ZNF521: variants seen among roughly 807,000 people sequenced by gnomAD.
The protein encoded by ZNF521 is zinc finger protein 521, also known as LYST-interacting protein 3.
In ZNF521, 14 loss-of-function variants were observed where a neutral mutation model predicts 105.5. The observed-to-expected ratio is 0.13, with a 90% CI of 0.09 to 0.21. The LOEUF is 0.21. ZNF521 is among the 10% of genes least tolerant of loss of function. The probability of loss-of-function intolerance (pLI) is 1.00; values close to 1 mark genes in which losing one functional copy is unlikely to be tolerated. For synonymous variants in ZNF521, 635 were observed against 606.0 expected, an observed-to-expected ratio of 1.05 and a Z score of -0.70; for missense variants, 1,233 against 1,629.7, an observed-to-expected ratio of 0.76 and a Z score of 4.19.
rs774732489 is a variant in ZNF521 at position 25,062,288 on chromosome 18, C to T, written c.*424G>A. The T allele has an allele frequency of 5.7e-5, 13 of 227,408 alleles. No individual in the cohort carries two copies. Among genetic ancestry groups the T allele is most frequent in the African/African-American group, 1.6e-4 (7 of 44,480 alleles). 14.1% of individuals were successfully genotyped at this position (227,408 alleles called of 1,614,324 possible). A position where few individuals can be genotyped will look rare whatever the true frequency, so the allele number is the denominator to read the frequency against. ...AATAAAAAATAGTCTTGGATTTAAGCGCTGATATACCTAAAGAGAAATTCT... is the reference window on the plus strand; with the variant it reads ...AATAAAAAATAGTCTTGGATTTAAGTGCTGATATACCTAAAGAGAAATTCT... On this transcript the variant is annotated 3_prime_UTR_variant, in exon 8 of 8. Coordinates refer to ENST00000361524, the MANE Select transcript of ZNF521 (RefSeq NM_015461.3).
intron 7 of ZNF521, among the ~76,000 whole-genome samples, chr18:25,087,981 T>G (rs1441880859): frequency 6.6e-6 from 1 of 152,110 alleles, no homozygotes; most frequent in Non-Finnish European, 1.5e-5. Flanking sequence ...CACATAAATC[T>G]CGTTTCATCA....
chr18:25,347,117 T>C (rs1216922032), intron 2 of ZNF521, among the ~76,000 whole-genome samples: 1 of 152,182 alleles, frequency 6.6e-6, no homozygotes, highest in African/African-American at 2.4e-5. Flanking sequence ...AATTGACCAA[T>C]TTGATGCAAC....
chr18:25,192,347 T>C (rs1249381038), intron 5 of ZNF521, among the ~76,000 whole-genome samples: 1 of 152,140 alleles, frequency 6.6e-6, no homozygotes, highest in African/African-American at 2.4e-5. Flanking sequence ...CATTGGTGAT[T>C]TCCCTTTCAC....
chr18:25,125,938 G>T (rs1156534902), intron 5 of ZNF521, among the ~76,000 whole-genome samples: 2 of 151,990 alleles, frequency 1.3e-5, no homozygotes, highest in African/African-American at 2.4e-5. Flanking sequence ...TCTAGTTGTA[G>T]CAAGCTTTTT....
intron 5 of ZNF521, among the ~76,000 whole-genome samples, chr18:25,171,296 T>C (rs1199485782): frequency 6.6e-6 from 1 of 152,114 alleles, no homozygotes; most frequent in Non-Finnish European, 1.5e-5. Flanking sequence ...TTCCCTTTTG[T>C]ATAAAAAGTA....
chr18:25,080,227 C>T (rs2033462751), intron 7 of ZNF521, among the ~76,000 whole-genome samples: 2 of 152,216 alleles, frequency 1.3e-5, no homozygotes, highest in Admixed American at 1.3e-4. Flanking sequence ...ATGAAGGAGA[C>T]CTGTTATTTT....
In ZNF521 at chr18:25,285,811, G is replaced by A. The variant is rs79087454; in HGVS notation, c.220+36197C>T. 4.7e-4 allele frequency among the ~76,000 whole-genome samples: 72 copies of A among 152,224 alleles called. 3 individuals are homozygous for A. The East Asian group carries it at 0.013, about 28-fold the overall frequency. On this transcript the variant is annotated intron_variant, in intron 3 of 7. Transcript: ENST00000361524. ...ACAAAAAGGTCAGAAAATAAATTAA[G>A]TGTACAGTGCAAGGCCCAGGCTTGA...
intron 7 of ZNF521, among the ~76,000 whole-genome samples, chr18:25,077,654 A>G (rs2033394496): frequency 6.6e-6 from 1 of 152,178 alleles, no homozygotes; most frequent in African/African-American, 2.4e-5. Context: ...GAGAGATGCT[A>G]AACAATGCCG....
intron 5 of ZNF521, among the ~76,000 whole-genome samples, chr18:25,182,247 G>A (rs1425440707): frequency 6.6e-6 from 1 of 152,088 alleles, no homozygotes; most frequent in Non-Finnish European, 1.5e-5. Flanking sequence ...AGCAAATTCT[G>A]GCAAAGTTCT....
chr18:25,315,092 G>A (rs1264795371), intron 3 of ZNF521, among the ~76,000 whole-genome samples: 1 of 152,154 alleles, frequency 6.6e-6, no homozygotes, highest in Non-Finnish European at 1.5e-5. Context: ...TTGTGGATTA[G>A]TAAAATGAGA....
chr18:25,077,134 T>C (rs1834576599), intron 7 of ZNF521, among the ~76,000 whole-genome samples: 1 of 152,192 alleles, frequency 6.6e-6, no homozygotes, highest in African/African-American at 2.4e-5. Flanking sequence ...CTTTCATCTC[T>C]TATCTCTTAA....
rs1319625743 is a variant in ZNF521, at chr18:25,226,260, T to C, written c.1658A>G (p.Lys553Arg). ...RFGSPVLGTP[K>R]EPVVEVYSCS... ...AGAATAGACTTCTACTACTGGTTCT[T>C]TGGGAGTCCCAAGCACTGGAGACCC... Residue 553 changes from lysine to arginine, a missense_variant, in exon 4 of 8, where the codon AAA becomes AGA. By Grantham distance (26) the Lys-to-Arg change is conservative. This residue lies in a region of ZNF521 where 380 missense variants were observed against 478.0 expected (regional missense o/e 0.80). Transcript: ENST00000361524. The surrounding 1 kb of genome is among the most constrained non-coding windows in gnomAD (Gnocchi z 4.1). 1 of 1,614,064 alleles carries C rather than the reference T, an allele frequency of 6.2e-7. No individual in the cohort carries two copies. Among genetic ancestry groups the C allele is most frequent in the African/African-American group, 1.3e-5 (1 of 74,930 alleles).
intron 3 of ZNF521, among the ~76,000 whole-genome samples, chr18:25,294,680 C>T (rs1244480249): frequency 6.6e-6 from 1 of 151,774 alleles, no homozygotes; most frequent in African/African-American, 2.4e-5. Context: ...CATGGTGAAA[C>T]TCCATCTCCA....
chr18:25,350,606 C>A (rs191239933), intron 2 of ZNF521, among the ~76,000 whole-genome samples: 8 of 152,220 alleles, frequency 5.3e-5, no homozygotes, highest in African/African-American at 1.4e-4. Flanking sequence ...TCCTCCCTCT[C>A]CGGATAATTT....
rs76815171 is a variant in ZNF521 at position 25,342,415 on chromosome 18, T to TTTG, written c.40+8491_40+8492insCAA. Among the ~76,000 whole-genome samples, 140 of 81,756 alleles carry TTTG rather than the reference T, an allele frequency of 1.7e-3. 1 individual carries two copies. The highest frequency in any genetic ancestry group is 2.2e-3 in the Non-Finnish European group (80 of 36,644). The allele number at this position is 81,756 out of a possible 152,430, so 53.6% of individuals were successfully genotyped here. ...TTTCCTTTTCTTTCCTTTGTTTTTT[T>TTTG]TTTGTTTGTTTGTTTGTTTTTTTTG... On this transcript the variant is annotated intron_variant, in intron 2 of 7. Transcript: ENST00000361524.
intron 5 of ZNF521, among the ~76,000 whole-genome samples, chr18:25,193,742 AGCTGTCAAC>A (rs2035856517): frequency 6.6e-6 from 1 of 152,118 alleles, no homozygotes; most frequent in African/African-American, 2.4e-5. Flanking sequence ...CACTCACTAA[AGCTGTCAAC>A]GCTATTGTCA....
intron 5 of ZNF521, among the ~76,000 whole-genome samples, chr18:25,189,065 T>C (rs561515849): frequency 1.3e-5 from 2 of 152,270 alleles, no homozygotes; most frequent in South Asian, 2.1e-4. Context: ...AACCCTGAAA[T>C]TGAGTGACAG....
At chr18:25,065,382 C>A (rs545979499) in intron 7 of ZNF521, among the ~76,000 whole-genome samples, 156 of 152,182 alleles carry the variant, frequency 1.0e-3, no homozygotes, top group Non-Finnish European at 1.7e-3. Flanking sequence ...GTTTCATGCA[C>A]AAAATTATTG....
intron 7 of ZNF521, among the ~76,000 whole-genome samples, chr18:25,074,411 G>C (rs1393704010): frequency 6.6e-6 from 1 of 152,092 alleles, no homozygotes; most frequent in Admixed American, 6.5e-5. Context: ...CTCAAGTTTG[G>C]TGCTTTTTTC....
Sources: gnomAD v4.1 joint callset for allele counts (sites outside exome capture counted in the v4.1 genomes callset) on GRCh38, gnomAD v4.1.1 for gene constraint, gnomAD v4.1.1 regional missense constraint, Gnocchi (gnomAD v3.1) non-coding constraint, MANE v1.5 for transcripts, NCBI Gene and HGNC (gene_info 2026-07-23, HGNC 2026-07-21) for gene names.